Variants in SLC28A1 observed in about 807,000 individuals in gnomAD.
The protein encoded by SLC28A1 is sodium/nucleoside cotransporter 1.
Under a neutral mutation model 74.8 loss-of-function variants are expected in SLC28A1, and 64 were observed. The observed-to-expected ratio is 0.86, with a 90% CI of 0.70 to 1.05. The LOEUF (loss-of-function observed/expected upper bound fraction) is 1.05. SLC28A1 is among the 50% of genes least tolerant of loss of function. The probability of loss-of-function intolerance (pLI) is 0.00; values close to 1 mark genes in which losing one functional copy is unlikely to be tolerated. For missense variants in SLC28A1, 828 were observed against 822.8 expected (o/e 1.01, Z -0.08); for synonymous variants, 359 against 335.0 (o/e 1.07, Z -0.78).
intron 1 of SLC28A1, among the ~76,000 whole-genome samples, chr15:84,884,982 A>G (rs1399391013): frequency 6.6e-6 from 1 of 152,082 alleles, no homozygotes; most frequent in Non-Finnish European, 1.5e-5. Flanking sequence ...TTTTTGAGGT[A>G]GAGTCTCGCT....
At chr15:84,885,622 T>C (rs1289480305) in intron 1 of SLC28A1, among the ~76,000 whole-genome samples, 1 of 150,762 alleles carries the variant, frequency 6.6e-6, no homozygotes, top group African/African-American at 2.4e-5. Flanking sequence ...TCACAGCTAC[T>C]TGGGAGGCTG....
At chr15:84,888,710 G>T in intron 3 of SLC28A1, 62 bp from the exon 4 acceptor site, 1 of 1,233,174 alleles carries the variant, frequency 8.1e-7, no homozygotes, top group East Asian at 2.5e-5. Flanking sequence ...CCGACCCCCA[G>T]CTGTAAGTTC....
the SLC28A1 span, among the ~76,000 whole-genome samples, chr15:84,954,508 C>G: frequency 6.6e-6 from 1 of 152,184 alleles, no homozygotes; most frequent in Non-Finnish European, 1.5e-5. Context: ...TTTGCATATG[C>G]TGTCCGTGTA....
chr15:84,933,861 G>C (rs768634301), intron 13 of SLC28A1, among the ~76,000 whole-genome samples: 2 of 152,198 alleles, frequency 1.3e-5, no homozygotes, highest in Admixed American at 6.5e-5. Flanking sequence ...TGTAATTCCA[G>C]CAACTTAGGG....
At position 84,918,571 on chromosome 15, in the gene SLC28A1, C is replaced by T. The variant is rs1167658120; in HGVS notation, c.843C>T (p.Tyr281=). The change falls in exon 10 of 19, where the codon TAC becomes TAT. Residue 281 remains tyrosine, a synonymous_variant. Transcript: ENST00000394573. ...VFFSCVISVL[Y]HVGLMQWVIL... ...TCAGCTGTGTCATATCCGTTCTCTA[C>T]CACGTGGGCCTCATGCAGTGGGTGA... 2 of 1,613,786 alleles carry T rather than the reference C, an allele frequency of 1.2e-6. No individual in the cohort carries two copies. Among genetic ancestry groups the T allele is most frequent in the Non-Finnish European group, 1.7e-6 (2 of 1,179,844 alleles).
At chr15:84,895,848 C>A in intron 6 of SLC28A1, 3 of 1,074,630 alleles carry the variant, frequency 2.8e-6, no homozygotes, top group Non-Finnish European at 3.4e-6. Context: ...AGCTGGTGAC[C>A]AAAGATACCC....
chr15:84,919,278 T>C (rs1178787972), intron 10 of SLC28A1, among the ~76,000 whole-genome samples: 5 of 152,204 alleles, frequency 3.3e-5, no homozygotes, highest in Non-Finnish European at 7.3e-5. Flanking sequence ...GGAGATAGCA[T>C]TGGACAGCAA....
At chr15:84,961,382 G>T in the SLC28A1 span, 1 of 321,946 alleles carries the variant, frequency 3.1e-6, no homozygotes, top group Non-Finnish European at 6.0e-6. Context: ...CCCAAGCTGG[G>T]GTACAGTGAT....
At position 84,945,244 on chromosome 15, in the gene SLC28A1, C is replaced by G. The variant is rs77514529; in HGVS notation, c.*44C>G. 6.4e-7 allele frequency: 1 copy of G among 1,565,850 alleles called. No individual in the cohort carries two copies. The highest frequency in any genetic ancestry group is 8.8e-7 in the Non-Finnish European group (1 of 1,136,388). ...CTTCTGCGCTTCTGAGGGCTGTTCT[C>G]CCCCGGGAACCATCTGTCCCCACCT... On this transcript the variant is annotated 3_prime_UTR_variant, in exon 19 of 19. Coordinates refer to ENST00000394573, the MANE Select transcript of SLC28A1 (RefSeq NM_004213.5).
intron 15 of SLC28A1, 109 bp from the exon 16 acceptor site, chr15:84,943,336 A>G: frequency 1.3e-6 from 1 of 781,466 alleles, no homozygotes; most frequent in Non-Finnish European, 2.3e-6. Context: ...TCAAAGGTCA[A>G]TTACATGTAA....
chr15:84,890,416 C>T, intron 4 of SLC28A1, 27 bp from the exon 5 acceptor site: 2 of 1,563,522 alleles, frequency 1.3e-6, no homozygotes, highest in African/African-American at 2.7e-5. Flanking sequence ...CTCATGCACT[C>T]ATGGACCCTG....
At chr15:84,923,800 G>A (rs1970151702) in intron 11 of SLC28A1, among the ~76,000 whole-genome samples, 185 bp from the exon 12 acceptor site, 2 of 152,064 alleles carry the variant, frequency 1.3e-5, no homozygotes, top group South Asian at 4.2e-4. Flanking sequence ...GGAGGGATGG[G>A]GGTCCTTCTG....
intron 15 of SLC28A1, among the ~76,000 whole-genome samples, chr15:84,936,548 T>C (rs1043510813): frequency 1.3e-5 from 2 of 151,976 alleles, no homozygotes; most frequent in African/African-American, 4.8e-5. Flanking sequence ...TGAGCCACCA[T>C]ACCCGGCCAT....
At chr15:84,903,369 C>A (rs1179136159) in intron 6 of SLC28A1, among the ~76,000 whole-genome samples, 1 of 152,232 alleles carries the variant, frequency 6.6e-6, no homozygotes, top group African/African-American at 2.4e-5. Context: ...GTTTCCTCAT[C>A]TCTATCAAAA....
chr15:84,958,269 C>G, the SLC28A1 span, among the ~76,000 whole-genome samples: 3 of 152,122 alleles, frequency 2.0e-5, no homozygotes, highest in Non-Finnish European at 2.9e-5. Flanking sequence ...CCTGTGTTAT[C>G]TTATTCCACC....
At chr15:84,896,804 A>T (rs1236796996) in intron 6 of SLC28A1, among the ~76,000 whole-genome samples, 1 of 152,238 alleles carries the variant, frequency 6.6e-6, no homozygotes, top group Non-Finnish European at 1.5e-5. Context: ...AAAGGAATGT[A>T]GTATTGATAA....
Position 84,890,546 on chromosome 15 carries a change from G to T in SLC28A1, c.277+12G>T. The stretch of plus-strand genomic sequence containing the variant: ...CCTGCTCTGCACTGGTGAGCCTGGG[G>T]CCCAGCACTACCCAGGACACAATGA... On this transcript the variant is annotated intron_variant, in intron 5 of 18. Transcript: ENST00000394573. 1.3e-6 allele frequency: 2 copies of T among 1,598,822 alleles called. No individual in the cohort carries two copies. Among genetic ancestry groups the T allele is most frequent in the Non-Finnish European group, 8.5e-7 (1 of 1,170,326 alleles).
chr15:84,895,099 C>T lies in SLC28A1; in HGVS notation c.437C>T (p.Pro146Leu), dbSNP rs1020725971. The change falls in exon 6 of 19, where the codon CCC becomes CTC. Residue 146 changes from proline (P) to leucine (L), a missense_variant. Pro to Leu is a moderately conservative substitution (Grantham distance 98). Transcript: ENST00000394573. ...AGGTTTCTCAAGCCTCAGGGCCATC[C>T]CCGCCTGCTGCTCTGGTTTAAGAGG... The part of the protein sequence containing the change: ...LRRFLKPQGH[P>L]RLLLWFKRGL... 15 of 1,613,732 alleles carry T rather than the reference C, an allele frequency of 9.3e-6. No individual in the cohort carries two copies. The African/African-American group carries it at 1.7e-4, about 19-fold the overall frequency.
At chr15:84,958,431 A>G in the SLC28A1 span, among the ~76,000 whole-genome samples, 1 of 152,198 alleles carries the variant, frequency 6.6e-6, no homozygotes, top group Non-Finnish European at 1.5e-5. Flanking sequence ...TATACACAAG[A>G]GATCAAATTT....
Sources: gnomAD v4.1 joint callset for allele counts (sites outside exome capture counted in the v4.1 genomes callset) on GRCh38, gnomAD v4.1.1 for gene constraint, MANE v1.5 for transcripts, NCBI Gene and HGNC (gene_info 2026-07-23, HGNC 2026-07-21) for gene names.